The following FSD1L variants were observed in gnomAD, a reference collection of about 807,000 sequenced individuals.
FSD1L encodes the protein FSD1-like protein.
In FSD1L, 45 loss-of-function variants were observed where a neutral mutation model predicts 71.6. The observed-to-expected ratio is 0.63, with a 90% CI of 0.49 to 0.81. The LOEUF (loss-of-function observed/expected upper bound fraction) is 0.81, where lower values mean the gene tolerates loss of function less well. Ranked by LOEUF, FSD1L falls within the 30% of genes least tolerant of loss-of-function variation. FSD1L has a pLI of 0.00. For missense variants in FSD1L, 561 were observed against 618.1 expected, an observed-to-expected ratio of 0.91 and a Z score of 0.98; for synonymous variants, 197 against 207.2, an observed-to-expected ratio of 0.95 and a Z score of 0.42.
intron 10 of FSD1L, chr9:105,522,721 C>T: frequency 6.2e-7 from 1 of 1,605,444 alleles, no homozygotes; most frequent in East Asian, 2.2e-5. Context: ...AAACTGCCTC[C>T]TCTTAATAGT....
chr9:105,471,916 C>A lies in FSD1L; in HGVS notation c.352C>A (p.Gln118Lys). Residue 118 changes from glutamine (Q) to lysine (K), a missense_variant, in exon 5 of 14, where the codon CAA (glutamine) becomes AAA (lysine). Physicochemically the swap from Gln to Lys is moderately conservative, Grantham distance 53 (BLOSUM62 1). Coordinates refer to ENST00000481272, the MANE Select transcript of FSD1L (RefSeq NM_001145313.3). The part of the protein sequence containing the change: ...KSQELQSQIS[Q>K]CNNALENSEE... ...TTTTTTTCCCTAGAGTCAGATTAGT[C>A]AATGTAATAATGCCCTGGAGAACTC... The A allele has an allele frequency of 4.0e-6, 5 of 1,251,012 alleles. No homozygotes were observed. Among genetic ancestry groups the A allele is most frequent in the South Asian group, 4.1e-5 (2 of 48,814 alleles). The allele number at this position is 1,251,012 out of a possible 1,614,324, so 77.5% of individuals were successfully genotyped here.
intron 7 of FSD1L, among the ~76,000 whole-genome samples, chr9:105,494,088 CAG>C (rs1833164156): frequency 6.6e-6 from 1 of 152,184 alleles, no homozygotes; most frequent in South Asian, 2.1e-4. Context: ...TAATATCCTG[CAG>C]AGTGTTTTCC....
chr9:105,448,747 A>G (rs568551035), intron 1 of FSD1L, among the ~76,000 whole-genome samples: 1 of 152,102 alleles, frequency 6.6e-6, no homozygotes, highest in Non-Finnish European at 1.5e-5. Flanking sequence ...TCCCCTTCCC[A>G]TGACTTTTCC....
chr9:105,497,738 A>G (rs887458700), intron 7 of FSD1L, among the ~76,000 whole-genome samples: 8 of 152,090 alleles, frequency 5.3e-5, no homozygotes, highest in African/African-American at 1.9e-4. Flanking sequence ...ATTTGATACT[A>G]GTTATTTATT....
In FSD1L at chr9:105,535,228, A is replaced by T; in HGVS notation, c.1288A>T (p.Asn430Tyr). The change falls in exon 12 of 14, where the codon AAC becomes TAC. Residue 430 changes from asparagine to tyrosine, a missense_variant. Around this residue, in one of 3 missense-constraint regions of FSD1L, gnomAD observed 53 missense variants for 102.2 expected, o/e 0.52. Coordinates refer to ENST00000481272, the MANE Select transcript of FSD1L (RefSeq NM_001145313.3). ...WCIHVNNWLQ[N>Y]TFAAKHNNKV... ...TATCCATGTCAACAACTGGCTACAA[A>T]ACACATTTGCAGCAAAGCATAATAA... is the stretch of plus-strand genomic sequence containing the variant. The T allele has an allele frequency of 6.4e-7, 1 of 1,551,992 alleles. No individual in the cohort carries two copies. Among genetic ancestry groups the T allele is most frequent in the Non-Finnish European group, 8.7e-7 (1 of 1,147,030 alleles).
Position 105,508,827 on chromosome 9 carries a change from C to T in FSD1L, c.895+112C>T, listed in dbSNP as rs534317225. 32 of 601,034 alleles carry T rather than the reference C, an allele frequency of 5.3e-5. No individual in the cohort carries two copies. The Admixed American group carries it at 5.5e-4, about 10-fold the overall frequency. 37.2% of individuals were successfully genotyped at this position (601,034 alleles called of 1,614,324 possible). A position where few individuals can be genotyped will look rare whatever the true frequency, so the allele number is the denominator to read the frequency against. On this transcript the variant is annotated intron_variant, in intron 9 of 13. Coordinates refer to ENST00000481272, the MANE Select transcript of FSD1L (RefSeq NM_001145313.3). ...GATGTTGAATTACTTCTCTACTTCT[C>T]CTAGCCTAGCTTTCTCAACAGTAAG...
At chr9:105,483,412 T>A (rs12342016) in intron 6 of FSD1L, among the ~76,000 whole-genome samples, 1 of 152,134 alleles carries the variant, frequency 6.6e-6, no homozygotes, top group African/African-American at 2.4e-5. Context: ...AGTATTCCCC[T>A]TGTCCCACCA....
At chr9:105,521,027 G>A in intron 10 of FSD1L, 1 of 1,612,286 alleles carries the variant, frequency 6.2e-7, no homozygotes, top group Non-Finnish European at 8.5e-7. Flanking sequence ...ACATCTGTAA[G>A]GAAAACAGTT....
intron 10 of FSD1L, chr9:105,525,869 C>G (rs1480098520): frequency 2.5e-6 from 4 of 1,578,514 alleles, no homozygotes; most frequent in Non-Finnish European, 3.5e-6. Context: ...TTTGCTACCT[C>G]TACAGTAGAA....
chr9:105,535,740 A>G (rs999953138), intron 12 of FSD1L, among the ~76,000 whole-genome samples: 1 of 152,128 alleles, frequency 6.6e-6, no homozygotes, highest in Non-Finnish European at 1.5e-5. Context: ...GCATGCCTAT[A>G]TGAAAGCATC....
In FSD1L at chr9:105,552,363, C is replaced by A. The variant is rs886126903; in HGVS notation, c.*5880C>A. The A allele has an allele frequency of 6.6e-6, 1 of 151,872 alleles. No individual in the cohort carries two copies. Among genetic ancestry groups the A allele is most frequent in the African/African-American group, 2.4e-5 (1 of 41,330 alleles). The allele number at this position is 151,872 out of a possible 1,614,324, so 9.4% of individuals were successfully genotyped here. On this transcript the variant is annotated 3_prime_UTR_variant, in exon 14 of 14. Transcript: ENST00000481272. The stretch of plus-strand genomic sequence containing the variant: ...GTGTATTTTGAAATGATTTTGTGTT[C>A]TATATAGAATGTCCCAGTTAAGATT...
intron 7 of FSD1L, among the ~76,000 whole-genome samples, chr9:105,496,605 A>G (rs1833424172): frequency 6.6e-6 from 1 of 152,212 alleles, no homozygotes; most frequent in African/African-American, 2.4e-5. Context: ...TAAACATGGA[A>G]CATATTTTGT....
intron 12 of FSD1L, among the ~76,000 whole-genome samples, chr9:105,535,536 C>G (rs1177531684): frequency 4.6e-5 from 7 of 152,108 alleles, no homozygotes; most frequent in Non-Finnish European, 1.0e-4. Context: ...TTATAATATA[C>G]TAAGTCTGAA....
At chr9:105,539,724 A>C (rs1388933924) in intron 13 of FSD1L, among the ~76,000 whole-genome samples, 5 of 152,024 alleles carry the variant, frequency 3.3e-5, no homozygotes, top group Non-Finnish European at 1.5e-5. Context: ...TAATACCCTA[A>C]ATTTACTTCC....
chr9:105,480,934 A>C (rs1324546914), intron 6 of FSD1L, among the ~76,000 whole-genome samples: 1 of 152,158 alleles, frequency 6.6e-6, no homozygotes, highest in Non-Finnish European at 1.5e-5. Flanking sequence ...TCAAGATTCT[A>C]TATGGCTCTT....
At chr9:105,452,669 G>GCCTTCCTGCCTTCCTTCCTT (rs1830102322) in intron 1 of FSD1L, among the ~76,000 whole-genome samples, 4 of 96,172 alleles carry the variant, frequency 4.2e-5, no homozygotes, top group Admixed American at 1.1e-4. Flanking sequence ...CTGCCTGCCT[G>GCCTTCCTGCCTTCCTTCCTT]CCTTCCTTCC....
chr9:105,475,168 T>A (rs1204538132), intron 5 of FSD1L, among the ~76,000 whole-genome samples: 1 of 152,216 alleles, frequency 6.6e-6, no homozygotes, highest in Non-Finnish European at 1.5e-5. Context: ...TAGAAAGAGC[T>A]GGGTCAGTGG....
chr9:105,464,404 A>C, intron 3 of FSD1L, 73 bp downstream of exon 3: 1 of 631,506 alleles, frequency 1.6e-6, no homozygotes, highest in Non-Finnish European at 2.7e-6. Context: ...AATATACTCT[A>C]TGAATTTTGG....
intron 12 of FSD1L, among the ~76,000 whole-genome samples, chr9:105,537,550 A>G (rs113396805): frequency 0.011 from 1,621 of 152,194 alleles, 25 homozygotes; most frequent in African/African-American, 0.037. Flanking sequence ...AACATAACGT[A>G]TGGCAAGGGG....
Sources: allele counts gnomAD v4.1 joint callset (sites outside exome capture counted in the v4.1 genomes callset), GRCh38; gene constraint gnomAD v4.1.1; regional missense constraint gnomAD v4.1.1; transcripts MANE v1.5; gene names NCBI Gene and HGNC (gene_info 2026-07-23, HGNC 2026-07-21).